The following RBM20 variants were observed in gnomAD, a reference collection of about 807,000 sequenced individuals.
RBM20 encodes RNA-binding protein 20.
RBM20 carries 51 observed loss-of-function variants against 110.1 expected under a neutral mutation model. The ratio of observed to expected loss-of-function variants is 0.46; its 90% CI spans 0.37 to 0.59. The LOEUF (loss-of-function observed/expected upper bound fraction) is 0.59. Ranked by LOEUF, RBM20 falls within the 20% of genes least tolerant of loss-of-function variation. The pLI, the probability that RBM20 is intolerant of heterozygous loss-of-function variation, is 0.00. For synonymous variants in RBM20, 589 were observed against 618.2 expected, an observed-to-expected ratio of 0.95 and a Z score of 0.70; for missense variants, 1,512 against 1,574.9, an observed-to-expected ratio of 0.96 and a Z score of 0.68.
chr10:110,725,711 G>A (rs1373890575), intron 1 of RBM20, among the ~76,000 whole-genome samples: 1 of 152,254 alleles, frequency 6.6e-6, no homozygotes, highest in Non-Finnish European at 1.5e-5. Flanking sequence ...TTGCTTGGTT[G>A]TGTATTTCAG....
At chr10:110,653,282 G>C (rs771279593) in intron 1 of RBM20, among the ~76,000 whole-genome samples, 1 of 152,144 alleles carries the variant, frequency 6.6e-6, no homozygotes, top group Non-Finnish European at 1.5e-5. Context: ...CTTCAAATTT[G>C]TTTCAACCAA....
intron 1 of RBM20, among the ~76,000 whole-genome samples, chr10:110,774,006 T>A (rs1215123692): frequency 6.6e-6 from 1 of 152,216 alleles, no homozygotes; most frequent in Non-Finnish European, 1.5e-5. Flanking sequence ...TGGAGCTCCC[T>A]TTAATGAACG....
At chr10:110,775,204 T>G (rs2135030595) in intron 1 of RBM20, among the ~76,000 whole-genome samples, 1 of 152,326 alleles carries the variant, frequency 6.6e-6, no homozygotes, top group Middle Eastern at 3.4e-3. Flanking sequence ...CTAGAAAATA[T>G]TTTCTTGCCT....
intron 1 of RBM20, among the ~76,000 whole-genome samples, chr10:110,767,941 T>C (rs1312342002): frequency 2.6e-5 from 4 of 152,208 alleles, no homozygotes; most frequent in South Asian, 4.1e-4. Context: ...CTGGGCACCA[T>C]TGAGCACTGA....
intron 1 of RBM20, among the ~76,000 whole-genome samples, chr10:110,677,621 G>A (rs1224980667): frequency 2.6e-5 from 4 of 152,174 alleles, no homozygotes; most frequent in African/African-American, 9.7e-5. Flanking sequence ...CCCAGCCAAA[G>A]GCCTCATCTT....
chr10:110,792,336 T>C (rs1483648413), intron 5 of RBM20, among the ~76,000 whole-genome samples: 1 of 152,194 alleles, frequency 6.6e-6, no homozygotes, highest in Non-Finnish European at 1.5e-5. Flanking sequence ...CAATATTTTT[T>C]CCCAATGCAG....
chr10:110,764,942 G>A (rs1351198977), intron 1 of RBM20, among the ~76,000 whole-genome samples: 2 of 151,974 alleles, frequency 1.3e-5, no homozygotes, highest in African/African-American at 2.4e-5. Context: ...TCTCGGCGCT[G>A]AGCATTTGTG....
intron 13 of RBM20, among the ~76,000 whole-genome samples, chr10:110,831,898 A>G (rs1011342663): frequency 6.6e-6 from 1 of 152,174 alleles, no homozygotes; most frequent in Non-Finnish European, 1.5e-5. Context: ...AGGGCGACAT[A>G]TAAAAAATAC....
intron 10 of RBM20, among the ~76,000 whole-genome samples, chr10:110,820,737 G>A (rs1844897452): frequency 1.3e-5 from 2 of 152,152 alleles, no homozygotes; most frequent in South Asian, 2.1e-4. Flanking sequence ...AATGAGTATC[G>A]CTGGCAGGGA....
intron 1 of RBM20, among the ~76,000 whole-genome samples, chr10:110,659,970 T>G (rs941419270): frequency 2.0e-5 from 3 of 151,868 alleles, no homozygotes; most frequent in African/African-American, 7.3e-5. Flanking sequence ...TGCACCACCA[T>G]GCCTGGCTAA....
At chr10:110,767,588 C>T (rs1272151172) in intron 1 of RBM20, among the ~76,000 whole-genome samples, 1 of 150,120 alleles carries the variant, frequency 6.7e-6, no homozygotes, top group Non-Finnish European at 1.5e-5. Flanking sequence ...GGTTGCCAGA[C>T]GGAGGGTCTC....
chr10:110,825,635 AT>A (rs1317170238), intron 12 of RBM20, among the ~76,000 whole-genome samples: 1 of 152,198 alleles, frequency 6.6e-6, no homozygotes, highest in Non-Finnish European at 1.5e-5. Flanking sequence ...TAGAGAACAC[AT>A]TCTTTTTAAC....
chr10:110,713,529 G>A (rs1387688423), intron 1 of RBM20, among the ~76,000 whole-genome samples: 1 of 152,128 alleles, frequency 6.6e-6, no homozygotes, highest in Non-Finnish European at 1.5e-5. Flanking sequence ...CACGCTACAG[G>A]GGCAGAGTAG....
At position 110,801,281 on chromosome 10, in the gene RBM20, G is replaced by A. The variant is rs113810012; in HGVS notation, c.1800+1363G>A. On this transcript the variant is annotated intron_variant, in intron 7 of 13. Coordinates refer to ENST00000369519, the MANE Select transcript of RBM20 (RefSeq NM_001134363.3). ...GTCTCTACTAAAAATACAAAAATTA[G>A]CCAGGCGTGGTGGCAGGCGCCTGTA... 5.7e-3 allele frequency among the ~76,000 whole-genome samples: 872 copies of A among 152,096 alleles called. 9 individuals carry two copies. Among genetic ancestry groups the A allele is most frequent in the African/African-American group, 0.02 (847 of 41,490 alleles).
intron 1 of RBM20, among the ~76,000 whole-genome samples, chr10:110,753,186 G>T (rs1843881002): frequency 6.6e-6 from 1 of 151,798 alleles, no homozygotes; most frequent in Admixed American, 6.6e-5. Flanking sequence ...ATCCGCCTCG[G>T]CCTCCCAAAG....
chr10:110,684,410 A>C (rs1241586186), intron 1 of RBM20, among the ~76,000 whole-genome samples: 7 of 151,542 alleles, frequency 4.6e-5, no homozygotes, highest in Non-Finnish European at 7.4e-5. Context: ...AAAACAAAAC[A>C]AAACAAAACA....
At chr10:110,810,069 C>T (rs987845897) in intron 7 of RBM20, among the ~76,000 whole-genome samples, 1 of 152,140 alleles carries the variant, frequency 6.6e-6, no homozygotes, top group Non-Finnish European at 1.5e-5. Flanking sequence ...CTTTCTTTCA[C>T]ATTTTAATTT....
intron 1 of RBM20, among the ~76,000 whole-genome samples, chr10:110,740,476 C>T (rs1843713616): frequency 6.6e-6 from 1 of 152,050 alleles, no homozygotes; most frequent in African/African-American, 2.4e-5. Context: ...GGCCCTGCTG[C>T]AGAGGGAGGG....
chr10:110,804,594 G>A (rs1844672004), intron 7 of RBM20, among the ~76,000 whole-genome samples: 1 of 152,192 alleles, frequency 6.6e-6, no homozygotes, highest in African/African-American at 2.4e-5. Context: ...GAGTTCCTCA[G>A]CTTATTTGAG....
Sources: allele counts gnomAD v4.1 joint callset (sites outside exome capture counted in the v4.1 genomes callset), GRCh38; gene constraint gnomAD v4.1.1; transcripts MANE v1.5; gene names NCBI Gene and HGNC (gene_info 2026-07-23, HGNC 2026-07-21).